The following PTPN13 variants were observed in gnomAD, a reference collection of about 807,000 sequenced individuals.
The protein encoded by PTPN13 is tyrosine-protein phosphatase non-receptor type 13.
Under a neutral mutation model 284.0 loss-of-function variants are expected in PTPN13, and 191 were observed. That is an observed-to-expected ratio of 0.67 (90% CI 0.60 to 0.76). The LOEUF (loss-of-function observed/expected upper bound fraction) is 0.76, where lower values mean the gene tolerates loss of function less well. Among genes scored for constraint, PTPN13 ranks in the 30% least tolerant of loss-of-function variants. PTPN13 has a pLI of 0.00. For synonymous variants in PTPN13, 986 were observed against 1,022.3 expected (o/e 0.96, Z 0.68); for missense variants, 2,797 against 2,939.9 (o/e 0.95, Z 1.12).
At chr4:86,637,917 A>T (rs945061549) in intron 2 of PTPN13, among the ~76,000 whole-genome samples, 5 of 151,702 alleles carry the variant, frequency 3.3e-5, no homozygotes, top group Admixed American at 6.6e-5. Context: ...ACATGATTGT[A>T]TATCTAGAAA....
chr4:86,657,854 T>G (rs767812716), intron 2 of PTPN13, among the ~76,000 whole-genome samples: 52 of 152,292 alleles, frequency 3.4e-4, no homozygotes, highest in East Asian at 2.7e-3. Context: ...TCCTCTGTGC[T>G]CTTCCCACTC....
At position 86,622,120 on chromosome 4, in the gene PTPN13, C is replaced by G. The variant is rs577277650; in HGVS notation, c.-5-13132C>G. ...TACAACCCCCTGTGTTTTCTTCCTT[C>G]TGAATTGCACACTGAGTAATTACCA... is the stretch of plus-strand genomic sequence containing the variant. On this transcript the variant is annotated intron_variant, in intron 1 of 47. Coordinates refer to ENST00000411767, the MANE Select transcript of PTPN13 (RefSeq NM_080683.3). Among the ~76,000 whole-genome samples the G allele has an allele frequency of 1.4e-4, 22 of 152,302 alleles. No homozygotes were observed. The South Asian group carries it at 4.1e-3, about 29-fold the overall frequency.
chr4:86,621,835 T>G (rs1406385505), intron 1 of PTPN13, among the ~76,000 whole-genome samples: 1 of 152,194 alleles, frequency 6.6e-6, no homozygotes, highest in Non-Finnish European at 1.5e-5. Context: ...TTTCCTTTTT[T>G]GTCAGTCATG....
chr4:86,740,105 C>G lies in PTPN13; in HGVS notation c.2305-1529C>G, dbSNP rs113428090. On this transcript the variant is annotated intron_variant, in intron 15 of 47. Transcript: ENST00000411767. ...CTGTGGCTTTTCCAGGTGCATGGTG[C>G]AAGCTGTCGTTGGATCTACCATTCT... 4.5e-3 allele frequency among the ~76,000 whole-genome samples: 690 copies of G among 152,298 alleles called. 1 individual carries two copies. Among genetic ancestry groups the G allele is most frequent in the Admixed American group, 7.1e-3 (109 of 15,308 alleles).
intron 2 of PTPN13, among the ~76,000 whole-genome samples, chr4:86,662,114 AAATCTACAGAGGCTTAATGAAAT>A (rs1398019550): frequency 6.6e-6 from 1 of 152,194 alleles, no homozygotes; most frequent in East Asian, 1.9e-4. Flanking sequence ...GGCAGCTGTA[AAATCTACAGAGGCTTAATGAAAT>A]TGCTAGGTGG....
chr4:86,762,864 A>G lies in PTPN13; in HGVS notation c.3691A>G (p.Asn1231Asp). 6.2e-7 allele frequency: 1 copy of G among 1,613,808 alleles called. No individual in the cohort carries two copies. Among genetic ancestry groups the G allele is most frequent in the Non-Finnish European group, 8.5e-7 (1 of 1,179,832 alleles). ...SRGTLRHISE[N>D]SFGPSGGLRE... ...TGGTACCCTGAGGCACATCTCGGAG[A>G]ACTCCTTTGGGCCATCTGGGGGCCT... The change falls in exon 24 of 48, where the codon AAC (asparagine) becomes GAC (aspartate). Residue 1231 changes from asparagine (N) to aspartate (D), a missense_variant. By Grantham distance (23) the Asn-to-Asp change is conservative. Coordinates refer to ENST00000411767, the MANE Select transcript of PTPN13 (RefSeq NM_080683.3).
chr4:86,698,275 T>G (rs908164712), intron 6 of PTPN13, among the ~76,000 whole-genome samples: 11 of 152,264 alleles, frequency 7.2e-5, no homozygotes, highest in South Asian at 4.1e-4. Context: ...AGTTGAGTAA[T>G]TGGGCCACTT....
chr4:86,713,344 G>A (rs1732651824), intron 7 of PTPN13, among the ~76,000 whole-genome samples: 1 of 152,020 alleles, frequency 6.6e-6, no homozygotes, highest in Non-Finnish European at 1.5e-5. Context: ...CTTGAAAATG[G>A]CAGTTCCTCT....
intron 20 of PTPN13, among the ~76,000 whole-genome samples, chr4:86,753,654 G>C (rs1202545200): frequency 1.3e-5 from 2 of 152,070 alleles, no homozygotes; most frequent in Non-Finnish European, 2.9e-5. Context: ...ATCGTAGGCA[G>C]AAGACCAGAA....
At chr4:86,647,606 T>C (rs948131532) in intron 2 of PTPN13, among the ~76,000 whole-genome samples, 1 of 152,122 alleles carries the variant, frequency 6.6e-6, no homozygotes, top group Non-Finnish European at 1.5e-5. Flanking sequence ...GGCAATGTTA[T>C]GGGATTGTGT....
chr4:86,596,469 C>CA (rs1763813664), intron 1 of PTPN13, among the ~76,000 whole-genome samples: 1 of 152,150 alleles, frequency 6.6e-6, no homozygotes, highest in African/African-American at 2.4e-5. Context: ...ATGATGGGGT[C>CA]ACGTTATAAA....
In PTPN13 at chr4:86,594,747, C is replaced by T. The variant is rs188345243; in HGVS notation, c.-48C>T. On this transcript the variant is annotated 5_prime_UTR_variant, in exon 1 of 48. Coordinates refer to ENST00000411767, the MANE Select transcript of PTPN13 (RefSeq NM_080683.3). ...CCCGACGCCGCGTCCCTGCAGCCCT[C>T]GCCCGGCGCTCCAGTAGCAGGACCC... 27 of 152,444 alleles carry T rather than the reference C, an allele frequency of 1.8e-4. No homozygotes were observed. The highest frequency in any genetic ancestry group is 5.5e-4 in the African/African-American group (23 of 41,568). 9.4% of individuals were successfully genotyped at this position (152,444 alleles called of 1,614,324 possible). A position where few individuals can be genotyped will look rare whatever the true frequency, so the allele number is the denominator to read the frequency against.
At chr4:86,762,221 C>T (rs991041693) in intron 23 of PTPN13, among the ~76,000 whole-genome samples, 2 of 152,176 alleles carry the variant, frequency 1.3e-5, no homozygotes, top group African/African-American at 4.8e-5. Flanking sequence ...GATCTGCCTG[C>T]CTCAACCTCC....
At chr4:86,753,157 C>T in intron 20 of PTPN13, 92 bp downstream of exon 20, 1 of 903,170 alleles carries the variant, frequency 1.1e-6, no homozygotes, top group Non-Finnish European at 1.7e-6. Context: ...GTCTTGAGTT[C>T]CATGCCTAGG....
chr4:86,623,897 A>G (rs1721539670), intron 1 of PTPN13, among the ~76,000 whole-genome samples: 2 of 152,092 alleles, frequency 1.3e-5, no homozygotes, highest in Non-Finnish European at 2.9e-5. Context: ...ATTTATTACC[A>G]TACGATATTC....
intron 1 of PTPN13, among the ~76,000 whole-genome samples, chr4:86,632,746 G>A (rs1722600957): frequency 1.3e-5 from 2 of 150,780 alleles, no homozygotes; most frequent in Admixed American, 1.3e-4. Context: ...GGAACTCTGG[G>A]TAGAATTTTT....
At chr4:86,695,474 C>T (rs1237617558) in intron 6 of PTPN13, among the ~76,000 whole-genome samples, 5 of 151,838 alleles carry the variant, frequency 3.3e-5, no homozygotes, top group Non-Finnish European at 7.4e-5. Context: ...GTTAATTGAT[C>T]AAATTTGCAG....
intron 1 of PTPN13, among the ~76,000 whole-genome samples, chr4:86,630,598 A>G (rs1022180290): frequency 3.3e-5 from 5 of 152,028 alleles, no homozygotes; most frequent in African/African-American, 1.2e-4. Flanking sequence ...TTGCCTTCTC[A>G]ACTCACTGTG....
chr4:86,802,146 A>T (rs1894958), intron 42 of PTPN13, among the ~76,000 whole-genome samples: 14,470 of 135,174 alleles, frequency 0.11, 926 homozygotes, highest in East Asian at 0.25. Context: ...TCAAGATTTT[A>T]GTGTGTGTGT....
Sources: allele counts gnomAD v4.1 joint callset (sites outside exome capture counted in the v4.1 genomes callset), GRCh38; gene constraint gnomAD v4.1.1; transcripts MANE v1.5; gene names NCBI Gene and HGNC (gene_info 2026-07-23, HGNC 2026-07-21).